The following ROR2 variants were observed in gnomAD, a reference collection of about 807,000 sequenced individuals.
ROR2 encodes ROR family WNT receptor 2.
A neutral mutation model predicts 74.9 loss-of-function variants in ROR2; 33 were observed. The ratio of observed to expected loss-of-function variants is 0.44; its 90% CI spans 0.33 to 0.59. The LOEUF is 0.59. ROR2 is among the 20% of genes least tolerant of loss of function. The pLI is 0.02. For missense variants in ROR2, 1,216 were observed against 1,313.8 expected (o/e 0.93, Z 1.15); for synonymous variants, 586 against 558.7 (o/e 1.05, Z -0.69).
chr9:91,767,899 C>G (rs1421889825), intron 2 of ROR2, among the ~76,000 whole-genome samples: 2 of 152,192 alleles, frequency 1.3e-5, no homozygotes, highest in African/African-American at 4.8e-5. Flanking sequence ...GTCCTCATCC[C>G]CGCAACCCGT....
chr9:91,911,316 A>T (rs1830973812), intron 1 of ROR2, among the ~76,000 whole-genome samples: 1 of 152,194 alleles, frequency 6.6e-6, no homozygotes, highest in Non-Finnish European at 1.5e-5. Context: ...ACTCACACAG[A>T]CCTGGATGGT....
intron 1 of ROR2, among the ~76,000 whole-genome samples, chr9:91,885,784 AC>A: frequency 6.6e-6 from 1 of 152,260 alleles, no homozygotes; most frequent in Non-Finnish European, 1.5e-5. Context: ...ACAAAATAAA[AC>A]AAAACTCATG....
At chr9:91,743,070 A>AT (rs1396491792) in intron 4 of ROR2, among the ~76,000 whole-genome samples, 1 of 152,182 alleles carries the variant, frequency 6.6e-6, no homozygotes, top group African/African-American at 2.4e-5. Flanking sequence ...AGTACACTCT[A>AT]TGATGTCCCT....
At chr9:91,911,809 TCCTTAA>T (rs1176771085) in intron 1 of ROR2, among the ~76,000 whole-genome samples, 1 of 151,714 alleles carries the variant, frequency 6.6e-6, no homozygotes, top group African/African-American at 2.4e-5. Context: ...GGCAGATAGC[TCCTTAA>T]CCCAGTGATC....
intron 2 of ROR2, among the ~76,000 whole-genome samples, chr9:91,761,016 C>A (rs997098936): frequency 6.6e-6 from 1 of 152,150 alleles, no homozygotes; most frequent in Non-Finnish European, 1.5e-5. Context: ...ACATAGTGTA[C>A]TAATTTCCTG....
chr9:91,758,290 T>C (rs943821718), intron 2 of ROR2, among the ~76,000 whole-genome samples: 29 of 152,238 alleles, frequency 1.9e-4, no homozygotes, highest in African/African-American at 6.8e-4. Flanking sequence ...TTACGGAATC[T>C]GCAAATGATG....
At chr9:91,827,892 T>C (rs1331290398) in intron 1 of ROR2, among the ~76,000 whole-genome samples, 6 of 152,278 alleles carry the variant, frequency 3.9e-5, no homozygotes, top group Non-Finnish European at 8.8e-5. Context: ...CCTATCAGTA[T>C]CCATCATTTT....
At chr9:91,886,572 TC>T in intron 1 of ROR2, 1 of 152,030 alleles carries the variant, frequency 6.6e-6, no homozygotes, top group Non-Finnish European at 1.5e-5. Context: ...CGACCACCAC[TC>T]CCCCGCCCCG....
intron 1 of ROR2, among the ~76,000 whole-genome samples, chr9:91,848,078 C>T (rs1488162726): frequency 1.3e-5 from 2 of 152,194 alleles, no homozygotes; most frequent in Admixed American, 6.5e-5. Flanking sequence ...CTCGAGTCTT[C>T]TCTCACCATG....
At chr9:91,742,209 C>A (rs1034455776) in intron 4 of ROR2, among the ~76,000 whole-genome samples, 1 of 152,136 alleles carries the variant, frequency 6.6e-6, no homozygotes, top group Non-Finnish European at 1.5e-5. Flanking sequence ...CCCATCAGAC[C>A]TCGTGAGACT....
chr9:91,940,481 GAC>G (rs1215220947), intron 1 of ROR2, among the ~76,000 whole-genome samples: 1 of 152,090 alleles, frequency 6.6e-6, no homozygotes, highest in Non-Finnish European at 1.5e-5. Flanking sequence ...ACTAGACAAA[GAC>G]AGAGATTTTC....
In ROR2 at chr9:91,888,914, T is replaced by C. The variant is rs545758951; in HGVS notation, c.97+60953A>G. 4.1e-5 allele frequency among the ~76,000 whole-genome samples: 6 copies of C among 148,010 alleles called. No homozygotes were observed. In the East Asian group the frequency reaches 9.7e-4, roughly 24 times the overall value. ...CGAAGCAGGTTGGTGAGGTTCTTCC[T>C]TTTTTTTTTCATGTTTATGGCTCTT... On this transcript the variant is annotated intron_variant, in intron 1 of 8. Coordinates refer to ENST00000375708, the MANE Select transcript of ROR2 (RefSeq NM_004560.4).
chr9:91,921,856 CAAA>C lies in ROR2; in HGVS notation c.97+28008_97+28010del, dbSNP rs560682210. ...AGCCTGGGCAACAGAGACTCCGTCT[CAAA>C]AAAAAAAAAAAAAAAGTAAATGAAA... On this transcript the variant is annotated intron_variant, in intron 1 of 8. Coordinates refer to ENST00000375708, the MANE Select transcript of ROR2 (RefSeq NM_004560.4). 3.1e-4 allele frequency among the ~76,000 whole-genome samples: 27 copies of C among 88,300 alleles called. 2 individuals carry two copies. Among genetic ancestry groups the C allele is most frequent in the East Asian group, 8.9e-4 (3 of 3,386 alleles). The allele number at this position is 88,300 out of a possible 152,430, so 57.9% of individuals were successfully genotyped here. A position where few individuals can be genotyped will look rare whatever the true frequency, so the allele number is the denominator to read the frequency against.
At chr9:91,748,732 A>G (rs1221909034) in intron 4 of ROR2, among the ~76,000 whole-genome samples, 1 of 152,186 alleles carries the variant, frequency 6.6e-6, no homozygotes, top group East Asian at 1.9e-4. Flanking sequence ...TTATAAAACT[A>G]TATTGCAAAG....
At chr9:91,855,579 T>C (rs898804335) in intron 1 of ROR2, among the ~76,000 whole-genome samples, 4 of 151,926 alleles carry the variant, frequency 2.6e-5, no homozygotes, top group Admixed American at 6.5e-5. Context: ...GTAAGCATCT[T>C]AGAGAAGGAA....
intron 1 of ROR2, among the ~76,000 whole-genome samples, chr9:91,838,829 G>A (rs1793574541): frequency 6.6e-6 from 1 of 152,208 alleles, no homozygotes; most frequent in South Asian, 2.1e-4. Context: ...TAAAAGCAGT[G>A]CTCCATTCTG....
intron 1 of ROR2, among the ~76,000 whole-genome samples, chr9:91,857,111 T>C (rs1477943431): frequency 6.6e-6 from 1 of 152,246 alleles, no homozygotes; most frequent in Non-Finnish European, 1.5e-5. Flanking sequence ...GAGAGGAGAC[T>C]AGACCATGGC....
intron 2 of ROR2, among the ~76,000 whole-genome samples, chr9:91,773,851 C>T (rs1232896258): frequency 6.6e-6 from 1 of 152,198 alleles, no homozygotes; most frequent in Non-Finnish European, 1.5e-5. Flanking sequence ...CCATCTGTGC[C>T]CAGATCAAGA....
intron 1 of ROR2, among the ~76,000 whole-genome samples, chr9:91,846,562 G>A (rs181034100): frequency 2.6e-5 from 4 of 152,160 alleles, no homozygotes; most frequent in Admixed American, 2.0e-4. Flanking sequence ...GGAGCCTACA[G>A]AGCAGACTTT....
Sources: gnomAD v4.1 joint callset for allele counts (sites outside exome capture counted in the v4.1 genomes callset) on GRCh38, gnomAD v4.1.1 for gene constraint, MANE v1.5 for transcripts, NCBI Gene and HGNC (gene_info 2026-07-23, HGNC 2026-07-21) for gene names.